The following GRID2 variants were observed in gnomAD, a reference collection of about 807,000 sequenced individuals.
GRID2 encodes the protein glutamate ionotropic receptor delta type subunit 2, also known as glutamate receptor ionotropic, delta-2.
In GRID2, 33 loss-of-function variants were observed where a neutral mutation model predicts 114.8. The observed-to-expected ratio is 0.29, with a 90% CI of 0.22 to 0.38. The LOEUF is 0.38. GRID2 is among the 10% of genes least tolerant of loss of function. The pLI is 1.00. For missense variants in GRID2, 1,184 were observed against 1,257.7 expected, an observed-to-expected ratio of 0.94 and a Z score of 0.89; for synonymous variants, 505 against 449.9, an observed-to-expected ratio of 1.12 and a Z score of -1.55.
chr4:92,722,333 C>G (rs1037970915), intron 2 of GRID2, among the ~76,000 whole-genome samples: 6 of 152,116 alleles, frequency 3.9e-5, no homozygotes, highest in Non-Finnish European at 8.8e-5. Flanking sequence ...CAGCACCAAT[C>G]ATTTCAGCAG....
At chr4:92,536,666 C>T (rs925705879) in intron 1 of GRID2, among the ~76,000 whole-genome samples, 2 of 152,096 alleles carry the variant, frequency 1.3e-5, no homozygotes, top group Non-Finnish European at 2.9e-5. Context: ...CAAAATCTTG[C>T]TATTTTAGTT....
At chr4:92,649,976 A>G (rs576997798) in intron 2 of GRID2, among the ~76,000 whole-genome samples, 1 of 152,056 alleles carries the variant, frequency 6.6e-6, no homozygotes, top group Non-Finnish European at 1.5e-5. Context: ...TAACTCCATC[A>G]TAAGTTGAGG....
intron 13 of GRID2, among the ~76,000 whole-genome samples, chr4:93,533,537 C>CT (rs34014956): frequency 0.052 from 4,526 of 86,498 alleles, 76 homozygotes; most frequent in East Asian, 0.097. Flanking sequence ...CCACACCCAG[C>CT]TTTTTTTTTT....
intron 1 of GRID2, among the ~76,000 whole-genome samples, chr4:92,547,201 A>C (rs1336756785): frequency 6.6e-6 from 1 of 152,170 alleles, no homozygotes; most frequent in East Asian, 1.9e-4. Flanking sequence ...TCATGTATAA[A>C]ATTCATAAAA....
At chr4:92,896,765 C>G (rs185486619) in intron 2 of GRID2, among the ~76,000 whole-genome samples, 1 of 151,906 alleles carries the variant, frequency 6.6e-6, no homozygotes, top group African/African-American at 2.4e-5. Flanking sequence ...GTGTGTGAGA[C>G]GGAGTCTCGC....
At chr4:92,632,258 G>A (rs546513085) in intron 2 of GRID2, among the ~76,000 whole-genome samples, 2 of 151,896 alleles carry the variant, frequency 1.3e-5, no homozygotes, top group Non-Finnish European at 2.9e-5. Context: ...TCTTTAAAAG[G>A]GCATCAGTTT....
intron 1 of GRID2, among the ~76,000 whole-genome samples, chr4:92,411,625 A>ATGTGTGTGTC (rs757758738): frequency 1.4e-4 from 15 of 105,676 alleles, no homozygotes; most frequent in African/African-American, 6.2e-4. Flanking sequence ...ATATATATGC[A>ATGTGTGTGTC]TGTGTGTGTG....
chr4:92,747,208 T>C (rs1222052162), intron 2 of GRID2, among the ~76,000 whole-genome samples: 1 of 152,048 alleles, frequency 6.6e-6, no homozygotes, highest in Non-Finnish European at 1.5e-5. Flanking sequence ...CAGGTTACTT[T>C]TATTGTAATT....
rs1734480797 is a variant in GRID2, at chr4:93,781,622, G to A, written c.221+12172G>A. On this transcript the variant is annotated intron_variant, in intron 1 of 1. Transcript: ENST00000637838. Reference sequence around the variant, plus strand: ...AGACCCTTATATAAAATGGTATAGTGTTTGTCTATAATATATGCATATAAC... The same window carrying A: ...AGACCCTTATATAAAATGGTATAGTATTTGTCTATAATATATGCATATAAC... Among the ~76,000 whole-genome samples the A allele has an allele frequency of 1.6e-4, 25 of 152,088 alleles. No individual in the cohort carries two copies. The South Asian group carries it at 5.2e-3, about 32-fold the overall frequency.
At chr4:93,430,700 A>T (rs1327543024) in intron 10 of GRID2, among the ~76,000 whole-genome samples, 1 of 152,238 alleles carries the variant, frequency 6.6e-6, no homozygotes, top group Admixed American at 6.5e-5. Context: ...AATGAGAAAC[A>T]CAGAGGTTAA....
intron 12 of GRID2, among the ~76,000 whole-genome samples, chr4:93,512,229 C>T (rs1729264486): frequency 6.6e-6 from 1 of 152,160 alleles, no homozygotes; most frequent in African/African-American, 2.4e-5. Flanking sequence ...AATGATTAGG[C>T]ATGTCTAAAT....
chr4:93,386,407 TA>T (rs1158084488), intron 8 of GRID2, among the ~76,000 whole-genome samples: 1 of 152,150 alleles, frequency 6.6e-6, no homozygotes, highest in East Asian at 1.9e-4. Flanking sequence ...GCCTCATAAA[TA>T]TAAGTCTTCA....
At chr4:92,745,453 A>G (rs370221206) in intron 2 of GRID2, among the ~76,000 whole-genome samples, 2 of 152,282 alleles carry the variant, frequency 1.3e-5, no homozygotes, top group African/African-American at 4.8e-5. Flanking sequence ...CTATAGGTCC[A>G]TGTTTATACT....
At chr4:93,458,668 C>G (rs1580143251) in intron 11 of GRID2, among the ~76,000 whole-genome samples, 2 of 152,054 alleles carry the variant, frequency 1.3e-5, no homozygotes, top group East Asian at 3.9e-4. Context: ...TTGTGAAGTT[C>G]TTAGATATAA....
chr4:92,304,216 C>CT lies in GRID2; in HGVS notation c.-435dup, dbSNP rs1725257473. On this transcript the variant is annotated 5_prime_UTR_variant, in exon 1 of 16. Coordinates refer to ENST00000282020, the MANE Select transcript of GRID2 (RefSeq NM_001510.4). ...GGGCTGTAGGGGCGGGGGCGGGGGT[C>CT]TTTTTTGGTCCGAGAGGGTGCGGGG... The CT allele has an allele frequency of 1.7e-5, 3 of 177,450 alleles. No individual in the cohort carries two copies. Among genetic ancestry groups the CT allele is most frequent in the African/African-American group, 7.4e-5 (3 of 40,512 alleles). The allele number at this position is 177,450 out of a possible 1,614,324, so 11.0% of individuals were successfully genotyped here. A position where few individuals can be genotyped will look rare whatever the true frequency, so the allele number is the denominator to read the frequency against.
intron 1 of GRID2, among the ~76,000 whole-genome samples, chr4:93,805,621 CA>C (rs1221278331): frequency 3.3e-5 from 5 of 152,172 alleles, no homozygotes; most frequent in Non-Finnish European, 7.3e-5. Context: ...GCTCTCCTAA[CA>C]AGGACATAGA....
chr4:92,526,661 A>G (rs1725060534), intron 1 of GRID2, among the ~76,000 whole-genome samples: 1 of 152,018 alleles, frequency 6.6e-6, no homozygotes, highest in Non-Finnish European at 1.5e-5. Flanking sequence ...GCATTTTTAA[A>G]TATTAAAATG....
intron 2 of GRID2, among the ~76,000 whole-genome samples, chr4:92,911,794 GAAC>G (rs1462169459): frequency 6.7e-6 from 1 of 148,758 alleles, no homozygotes; most frequent in Non-Finnish European, 1.5e-5. Flanking sequence ...TTTTTTACAA[GAAC>G]AATTTTTTCC....
intron 1 of GRID2, among the ~76,000 whole-genome samples, chr4:92,463,252 G>T (rs1721585473): frequency 6.6e-6 from 1 of 151,744 alleles, no homozygotes; most frequent in Non-Finnish European, 1.5e-5. Flanking sequence ...TCCTCTCAAA[G>T]GAAGGATTTT....
Sources: gnomAD v4.1 joint callset for allele counts (sites outside exome capture counted in the v4.1 genomes callset) on GRCh38, gnomAD v4.1.1 for gene constraint, MANE v1.5 for transcripts, NCBI Gene and HGNC (gene_info 2026-07-23, HGNC 2026-07-21) for gene names.